The following LRRC4C variants were observed in gnomAD, a reference collection of about 807,000 sequenced individuals.
LRRC4C encodes leucine rich repeat containing 4C.
Under a neutral mutation model 33.6 loss-of-function variants are expected in LRRC4C, and 5 were observed. The ratio of observed to expected loss-of-function variants is 0.15; its 90% CI spans 0.08 to 0.31. LRRC4C has a LOEUF of 0.31. Among genes scored for constraint, LRRC4C ranks in the 10% least tolerant of loss-of-function variants. The probability of loss-of-function intolerance (pLI) is 1.00; values close to 1 mark genes in which losing one functional copy is unlikely to be tolerated. For missense variants in LRRC4C, 560 were observed against 796.7 expected (o/e 0.70, Z 3.58); for synonymous variants, 329 against 302.0 (o/e 1.09, Z -0.93).
At chr11:41,042,087 T>C (rs1857473553) in intron 1 of LRRC4C, among the ~76,000 whole-genome samples, 1 of 152,176 alleles carries the variant, frequency 6.6e-6, no homozygotes, top group African/African-American at 2.4e-5. Context: ...TGGTTTACAG[T>C]TATAAGAGTG....
At chr11:40,944,294 G>T (rs924256846) in intron 1 of LRRC4C, among the ~76,000 whole-genome samples, 2 of 151,746 alleles carry the variant, frequency 1.3e-5, no homozygotes, top group African/African-American at 4.8e-5. Flanking sequence ...TTGAGGATAC[G>T]ATATTTTATC....
At chr11:40,551,280 G>C (rs1957117951) in intron 3 of LRRC4C, among the ~76,000 whole-genome samples, 1 of 151,848 alleles carries the variant, frequency 6.6e-6, no homozygotes, top group East Asian at 1.9e-4. Flanking sequence ...ATTTGAGTTA[G>C]ATATTTCACT....
intron 1 of LRRC4C, among the ~76,000 whole-genome samples, chr11:41,023,286 C>G (rs1856113630): frequency 6.6e-6 from 1 of 151,664 alleles, no homozygotes; most frequent in East Asian, 1.9e-4. Context: ...TTATATTGGT[C>G]AAATCAATAT....
chr11:41,182,863 A>AT (rs1555103123), intron 1 of LRRC4C, among the ~76,000 whole-genome samples: 3 of 141,918 alleles, frequency 2.1e-5, no homozygotes, highest in Non-Finnish European at 4.7e-5. Flanking sequence ...AAAAAAAAAA[A>AT]GGTTTAATGT....
chr11:41,164,465 T>A (rs1490135018), intron 1 of LRRC4C, among the ~76,000 whole-genome samples: 1 of 152,086 alleles, frequency 6.6e-6, no homozygotes, highest in African/African-American at 2.4e-5. Context: ...TCTAAAATAA[T>A]AATAAAAAGA....
chr11:40,847,582 C>T (rs2135712170), intron 2 of LRRC4C, among the ~76,000 whole-genome samples: 1 of 152,208 alleles, frequency 6.6e-6, no homozygotes, highest in East Asian at 1.9e-4. Context: ...TTTCAATGTT[C>T]ATCAGGGATA....
intron 5 of LRRC4C, among the ~76,000 whole-genome samples, chr11:40,206,441 C>T (rs946152825): frequency 7.9e-5 from 12 of 151,908 alleles, no homozygotes; most frequent in East Asian, 1.9e-4. Context: ...AGGGTTTCAC[C>T]GTGATGGCCA....
intron 1 of LRRC4C, among the ~76,000 whole-genome samples, chr11:41,041,173 G>T (rs1235844180): frequency 9.9e-5 from 15 of 152,146 alleles, no homozygotes; most frequent in Admixed American, 9.8e-4. Flanking sequence ...ACAGAGAGGA[G>T]CAGCTTCTTC....
chr11:40,677,249 G>T (rs1944450560), intron 2 of LRRC4C, among the ~76,000 whole-genome samples: 1 of 152,018 alleles, frequency 6.6e-6, no homozygotes, highest in South Asian at 2.1e-4. Flanking sequence ...AGCCGCGCAT[G>T]GTGGCAGATA....
intron 3 of LRRC4C, among the ~76,000 whole-genome samples, chr11:40,615,282 ATG>A (rs1961689332): frequency 6.7e-6 from 1 of 148,334 alleles, no homozygotes; most frequent in African/African-American, 2.5e-5. Flanking sequence ...ACACACACAT[ATG>A]TATATTCACA....
chr11:40,248,604 G>A (rs1278115253), intron 4 of LRRC4C, among the ~76,000 whole-genome samples: 2 of 152,160 alleles, frequency 1.3e-5, no homozygotes, highest in African/African-American at 4.8e-5. Flanking sequence ...TTGGGATTCT[G>A]AAGCAGGAGG....
At chr11:40,231,407 TC>T (rs1254104963) in intron 5 of LRRC4C, among the ~76,000 whole-genome samples, 3 of 152,306 alleles carry the variant, frequency 2.0e-5, no homozygotes, top group East Asian at 1.9e-4. Flanking sequence ...TGTATAGATA[TC>T]CATATATGTA....
At chr11:40,371,594 G>A (rs1398316915) in intron 3 of LRRC4C, among the ~76,000 whole-genome samples, 4 of 152,182 alleles carry the variant, frequency 2.6e-5, no homozygotes, top group Admixed American at 6.5e-5. Context: ...TAACCCTTTC[G>A]GATACAATCG....
intron 3 of LRRC4C, among the ~76,000 whole-genome samples, chr11:40,514,567 CATT>C (rs1478055619): frequency 6.6e-6 from 1 of 152,050 alleles, no homozygotes; most frequent in Non-Finnish European, 1.5e-5. Flanking sequence ...TTATTGCTAT[CATT>C]ATCAGAATTA....
intron 3 of LRRC4C, among the ~76,000 whole-genome samples, chr11:40,368,303 G>A (rs1228959394): frequency 1.3e-5 from 2 of 152,064 alleles, no homozygotes; most frequent in East Asian, 3.9e-4. Flanking sequence ...AAGGTAAGAG[G>A]ACATTGGCTT....
At chr11:40,689,970 G>A (rs1277808021) in intron 2 of LRRC4C, among the ~76,000 whole-genome samples, 1 of 151,986 alleles carries the variant, frequency 6.6e-6, no homozygotes, top group Non-Finnish European at 1.5e-5. Flanking sequence ...TCTTTCATGC[G>A]TTCATTTAGA....
At chr11:40,410,689 A>T (rs1390213114) in intron 3 of LRRC4C, among the ~76,000 whole-genome samples, 1 of 152,136 alleles carries the variant, frequency 6.6e-6, no homozygotes, top group Non-Finnish European at 1.5e-5. Context: ...GCTCATCACC[A>T]TACTGGTGGC....
At chr11:41,232,241 C>G (rs1947835356) in intron 1 of LRRC4C, among the ~76,000 whole-genome samples, 1 of 151,982 alleles carries the variant, frequency 6.6e-6, no homozygotes, top group African/African-American at 2.4e-5. Flanking sequence ...AAAAGTGTGC[C>G]TGTCTAACAC....
chr11:41,389,643 A>AAAAAAAAAAAAAAAAAAAAAAAAAAC (rs1282281468), intron 1 of LRRC4C, among the ~76,000 whole-genome samples: 1 of 150,522 alleles, frequency 6.6e-6, no homozygotes, highest in Non-Finnish European at 1.5e-5. Context: ...GAGCAGCAAA[A>AAAAAAAAAAAAAAAAAAAAAAAAAAC]AAAAAAAAAA....
Sources: allele counts gnomAD v4.1 joint callset (sites outside exome capture counted in the v4.1 genomes callset), GRCh38; gene constraint gnomAD v4.1.1; transcripts MANE v1.5; gene names NCBI Gene and HGNC (gene_info 2026-07-23, HGNC 2026-07-21).